The following SDK1 variants were observed in gnomAD, a reference collection of about 807,000 sequenced individuals.
SDK1 encodes the protein sidekick cell adhesion molecule 1.
A neutral mutation model predicts 245.5 loss-of-function variants in SDK1; 157 were observed. The observed-to-expected ratio is 0.64, with a 90% CI of 0.56 to 0.73. The LOEUF is 0.73. SDK1 is among the 30% of genes least tolerant of loss of function. The pLI is 0.00. For missense variants in SDK1, 3,583 were observed against 3,002.3 expected (o/e 1.19, Z -4.52); for synonymous variants, 1,647 against 1,278.5 (o/e 1.29, Z -6.15).
At chr7:3,793,960 A>G (rs1219384041) in intron 4 of SDK1, among the ~76,000 whole-genome samples, 1 of 152,156 alleles carries the variant, frequency 6.6e-6, no homozygotes, top group South Asian at 2.1e-4. Context: ...CTACTGCTGA[A>G]GGCCTTTTGT....
chr7:3,920,981 C>T (rs1779565792), intron 5 of SDK1, among the ~76,000 whole-genome samples: 1 of 152,130 alleles, frequency 6.6e-6, no homozygotes, highest in Non-Finnish European at 1.5e-5. Flanking sequence ...AACATAGAAA[C>T]AGATAAACTA....
At chr7:3,413,334 A>ATCC (rs1318769172) in intron 1 of SDK1, among the ~76,000 whole-genome samples, 2 of 152,306 alleles carry the variant, frequency 1.3e-5, no homozygotes, top group East Asian at 3.9e-4. Flanking sequence ...GACCAAGTAG[A>ATCC]TCCTCACTGT....
intron 32 of SDK1, among the ~76,000 whole-genome samples, chr7:4,171,022 T>A (rs1355143055): frequency 6.6e-6 from 1 of 152,252 alleles, no homozygotes; most frequent in Non-Finnish European, 1.5e-5. Flanking sequence ...CACTCCTTCC[T>A]TTTCTGCCAG....
intron 5 of SDK1, among the ~76,000 whole-genome samples, chr7:3,899,161 G>A (rs931741576): frequency 1.3e-5 from 2 of 152,174 alleles, no homozygotes; most frequent in Non-Finnish European, 2.9e-5. Context: ...TCTTTGGAAA[G>A]CAAAGTTGTT....
chr7:3,820,823 C>G (rs1189222588), intron 4 of SDK1, among the ~76,000 whole-genome samples: 2 of 152,128 alleles, frequency 1.3e-5, no homozygotes, highest in African/African-American at 4.8e-5. Context: ...ATGAGAAGGT[C>G]TTGGTCACGA....
chr7:3,562,072 G>A (rs1288444934), intron 1 of SDK1, among the ~76,000 whole-genome samples: 1 of 152,194 alleles, frequency 6.6e-6, no homozygotes, highest in Non-Finnish European at 1.5e-5. Context: ...GTTGATCTGG[G>A]ACAGAATGCC....
At chr7:4,207,508 C>G (rs1216283728) in intron 36 of SDK1, among the ~76,000 whole-genome samples, 1 of 152,168 alleles carries the variant, frequency 6.6e-6, no homozygotes, top group African/African-American at 2.4e-5. Context: ...TCCCAGCAGC[C>G]CTGAGCCCAA....
intron 5 of SDK1, among the ~76,000 whole-genome samples, chr7:3,911,950 C>T (rs940982548): frequency 1.3e-5 from 2 of 152,024 alleles, no homozygotes; most frequent in African/African-American, 4.8e-5. Flanking sequence ...AAGGATGACT[C>T]AGAGCAGAGA....
At chr7:3,974,885 T>G in intron 13 of SDK1, 1 of 195,324 alleles carries the variant, frequency 5.1e-6, no homozygotes, top group Non-Finnish European at 1.1e-5. Flanking sequence ...TTCCACATAA[T>G]ACCCTTGAGA....
At chr7:3,774,897 C>T (rs1218110955) in intron 4 of SDK1, among the ~76,000 whole-genome samples, 3 of 152,300 alleles carry the variant, frequency 2.0e-5, no homozygotes, top group African/African-American at 4.8e-5. Flanking sequence ...TAAATTATCA[C>T]ACTCATGCAT....
chr7:3,495,500 C>G (rs934158837), intron 1 of SDK1, among the ~76,000 whole-genome samples: 1 of 152,064 alleles, frequency 6.6e-6, no homozygotes, highest in Admixed American at 6.6e-5. Context: ...CTCAAGAGAT[C>G]CTCCCGCCTC....
At chr7:4,141,919 G>T (rs1779607230) in intron 28 of SDK1, among the ~76,000 whole-genome samples, 1 of 152,096 alleles carries the variant, frequency 6.6e-6, no homozygotes, top group African/African-American at 2.4e-5. Flanking sequence ...ACCATGCCTG[G>T]CTAATTTTTG....
At chr7:3,470,459 G>A (rs2128598242) in intron 1 of SDK1, among the ~76,000 whole-genome samples, 1 of 152,156 alleles carries the variant, frequency 6.6e-6, no homozygotes, top group East Asian at 1.9e-4. Flanking sequence ...ACACTATTTT[G>A]ACCTTTTAAA....
intron 1 of SDK1, among the ~76,000 whole-genome samples, chr7:3,486,260 GTTGTT>G (rs1781691374): frequency 1.4e-5 from 2 of 141,914 alleles, no homozygotes; most frequent in Middle Eastern, 3.4e-3. Context: ...AATATCTGAG[GTTGTT>G]TTCTTTTCCA....
chr7:4,065,786 A>G (rs1370562827), intron 19 of SDK1, among the ~76,000 whole-genome samples: 2 of 138,322 alleles, frequency 1.4e-5, no homozygotes, highest in Non-Finnish European at 3.0e-5. Flanking sequence ...TTGTCCAAGT[A>G]CCAACTCAGT....
At chr7:3,876,286 C>G (rs752352791) in intron 5 of SDK1, among the ~76,000 whole-genome samples, 1 of 152,146 alleles carries the variant, frequency 6.6e-6, no homozygotes. Context: ...CAGCATTTTC[C>G]CCAGTCTTCT....
At chr7:3,336,109 CAG>C (rs957425387) in intron 1 of SDK1, among the ~76,000 whole-genome samples, 1 of 152,120 alleles carries the variant, frequency 6.6e-6, no homozygotes, top group African/African-American at 2.4e-5. Flanking sequence ...AGCCAGAGGA[CAG>C]GGGAAGGGAG....
intron 1 of SDK1, among the ~76,000 whole-genome samples, chr7:3,485,248 A>T (rs1025307641): frequency 2.0e-5 from 3 of 152,112 alleles, no homozygotes; most frequent in African/African-American, 7.2e-5. Flanking sequence ...TTTCTTAATG[A>T]CTAGTGATAT....
intron 4 of SDK1, among the ~76,000 whole-genome samples, chr7:3,660,612 A>T (rs972516733): frequency 1.8e-4 from 28 of 152,260 alleles, no homozygotes; most frequent in African/African-American, 6.7e-4. Context: ...CCCCAACATA[A>T]CCATAAATTA....
Sources: allele counts gnomAD v4.1 joint callset (sites outside exome capture counted in the v4.1 genomes callset), GRCh38; gene constraint gnomAD v4.1.1; transcripts MANE v1.5; gene names NCBI Gene and HGNC (gene_info 2026-07-23, HGNC 2026-07-21).